Variants in NR5A1 observed in about 807,000 individuals in gnomAD.
The protein encoded by NR5A1 is steroidogenic factor 1.
In NR5A1, 6 loss-of-function variants were observed where a neutral mutation model predicts 42.7. The observed-to-expected ratio is 0.14, with a 90% confidence interval of 0.08 to 0.28. The LOEUF is 0.28. Among genes scored for constraint, NR5A1 ranks in the 10% least tolerant of loss-of-function variants. The pLI is 1.00. For synonymous variants in NR5A1, 274 were observed against 277.5 expected, an observed-to-expected ratio of 0.99 and a Z score of 0.12; for missense variants, 442 against 626.4, an observed-to-expected ratio of 0.71 and a Z score of 3.14.
chr9:124,500,770 G>GC lies in NR5A1; in HGVS notation c.245-56dup, dbSNP rs1832459748. The GC allele has an allele frequency of 1.9e-6, 3 of 1,610,590 alleles. No individual in the cohort carries two copies. Among genetic ancestry groups the GC allele is most frequent in the South Asian group, 2.2e-5 (2 of 91,042 alleles). On this transcript the variant is annotated intron_variant, in intron 3 of 6. Transcript: ENST00000373588. This position sits in a 1 kb window ranked among gnomAD's most constrained non-coding sequence, Gnocchi z 6.9. ...CCCTCTCTAAGCCCCCTTCCATGCT[G>GC]CCCCACCACAGATCCTTTCCAAACA...
chr9:124,482,498 T>C lies in NR5A1; in HGVS notation c.*260A>G. ...GCAGGGAGGGGGCGGGGCGGGTGGT[T>C]AACAGCCACCTCCTTGGGGCACTCC... On this transcript the variant is annotated 3_prime_UTR_variant, in exon 7 of 7. Transcript: ENST00000373588. 1 of 531,446 alleles carries C rather than the reference T, an allele frequency of 1.9e-6. No homozygotes were observed. Among genetic ancestry groups the C allele is most frequent in the Admixed American group, 3.2e-5 (1 of 31,630 alleles). 32.9% of individuals were successfully genotyped at this position (531,446 alleles called of 1,614,324 possible).
intron 6 of NR5A1, among the ~76,000 whole-genome samples, chr9:124,487,059 G>A (rs991813259): frequency 3.9e-5 from 6 of 152,188 alleles, no homozygotes; most frequent in Non-Finnish European, 7.4e-5. Context: ...AGGAGCCTGC[G>A]CCCCCCAAGC....
chr9:124,488,411 C>T (rs1373339099), intron 6 of NR5A1, among the ~76,000 whole-genome samples: 1 of 152,150 alleles, frequency 6.6e-6, no homozygotes, highest in Non-Finnish European at 1.5e-5. Context: ...CCAACCTCAC[C>T]AGGTTCCTGG....
rs1832576069 is a variant in NR5A1 at position 124,507,237 on chromosome 9, G to C, written c.-16+12C>G. ...CTGGCCATTAGAGGCCTGGGCCAAG[G>C]CCCTCACTTACGAAGCGGAAGCAGC... On this transcript the variant is annotated intron_variant, in intron 1 of 6. Coordinates refer to ENST00000373588, the MANE Select transcript of NR5A1 (RefSeq NM_004959.5). 6.6e-6 allele frequency: 1 copy of C among 152,474 alleles called. No homozygotes were observed. The highest frequency in any genetic ancestry group is 2.1e-4 in the South Asian group (1 of 4,830). The allele number at this position is 152,474 out of a possible 1,614,324, so 9.4% of individuals were successfully genotyped here.
intron 5 of NR5A1, among the ~76,000 whole-genome samples, chr9:124,492,503 C>CCATTCATTCATT (rs151199008): frequency 2.0e-5 from 3 of 151,974 alleles, no homozygotes; most frequent in East Asian, 1.9e-4. Context: ...AGCCCTTTGC[C>CCATTCATTCATT]CATTCATTCA....
At chr9:124,495,503 G>C (rs1832378372) in intron 4 of NR5A1, among the ~76,000 whole-genome samples, 1 of 152,218 alleles carries the variant, frequency 6.6e-6, no homozygotes, top group Non-Finnish European at 1.5e-5. Flanking sequence ...GACTTCTGGG[G>C]ACCTGAGAAC....
At chr9:124,505,171 C>T (rs1444866626) in intron 1 of NR5A1, among the ~76,000 whole-genome samples, 1 of 152,208 alleles carries the variant, frequency 6.6e-6, no homozygotes, top group East Asian at 1.9e-4. Context: ...ACCCCGAGCG[C>T]GGCCAGAGAG....
Position 124,501,741 on chromosome 9 carries a change from T to C in NR5A1, c.245-1026A>G, listed in dbSNP as rs562173688. 6.6e-6 allele frequency among the ~76,000 whole-genome samples: 1 copy of C among 152,304 alleles called. No individual in the cohort carries two copies. The highest frequency in any genetic ancestry group is 1.5e-5 in the Non-Finnish European group (1 of 68,020). On this transcript the variant is annotated intron_variant, in intron 3 of 6. Coordinates refer to ENST00000373588, the MANE Select transcript of NR5A1 (RefSeq NM_004959.5). The surrounding 1 kb of genome is among the most constrained non-coding windows in gnomAD (Gnocchi z 4.1). ...CATGGGCTCTGGGGACAGGACAGGA[T>C]GTCCCCTCTCCCATCCAGGAGTCCT... is the stretch of plus-strand genomic sequence containing the variant.
chr9:124,493,309 C>T (rs951385305), intron 4 of NR5A1, among the ~76,000 whole-genome samples, 160 bp from the exon 5 acceptor site: 22 of 152,200 alleles, frequency 1.4e-4, no homozygotes, highest in African/African-American at 4.3e-4. Flanking sequence ...CAAAGTGCAA[C>T]AGAGGTCTGG....
At chr9:124,499,812 GGA>G (rs1190375399) in intron 4 of NR5A1, among the ~76,000 whole-genome samples, 3 of 152,174 alleles carry the variant, frequency 2.0e-5, no homozygotes, top group Admixed American at 1.3e-4. Context: ...AACATGCAAG[GGA>G]GAGACACAGT....
chr9:124,482,298 A>C lies in NR5A1; in HGVS notation c.*460T>G. 1 of 254,322 alleles carries C rather than the reference A, an allele frequency of 3.9e-6. No individual in the cohort carries two copies. The highest frequency in any genetic ancestry group is 5.0e-5 in the South Asian group (1 of 19,952). 15.8% of individuals were successfully genotyped at this position (254,322 alleles called of 1,614,324 possible). A position where few individuals can be genotyped will look rare whatever the true frequency, so the allele number is the denominator to read the frequency against. On this transcript the variant is annotated 3_prime_UTR_variant, in exon 7 of 7. Coordinates refer to ENST00000373588, the MANE Select transcript of NR5A1 (RefSeq NM_004959.5). ...TCTCCCTCCTGGTCTCTATGGGGGG[A>C]ACACTGGAGACCCTCTCTCCTCCCC...
At position 124,503,218 on chromosome 9, in the gene NR5A1, G is replaced by T. The variant is rs764939292; in HGVS notation, c.105C>A (p.Gly35=). ...YGLLTCESCK[G]FFKRTVQNNK... ...TGTTCTGCACCGTGCGCTTGAAGAA[G>T]CCCTGCGGGAGCTGAGAGTCAGCGA... The change falls in exon 3 of 7, where the codon GGC becomes GGA. Residue 35 remains glycine, a splice_region_variant and synonymous_variant. Transcript: ENST00000373588. This position sits in a 1 kb window ranked among gnomAD's most constrained non-coding sequence, Gnocchi z 9.6. 1 of 1,604,406 alleles carries T rather than the reference G, an allele frequency of 6.2e-7. No individual in the cohort carries two copies. The highest frequency in any genetic ancestry group is 1.3e-5 in the African/African-American group (1 of 74,806).
chr9:124,491,936 A>T (rs926755339), intron 5 of NR5A1, among the ~76,000 whole-genome samples: 6 of 151,966 alleles, frequency 3.9e-5, no homozygotes, highest in African/African-American at 1.5e-4. Context: ...GGCCACAGAG[A>T]CTCAGCCAGC....
At chr9:124,485,601 G>A (rs2131271687) in intron 6 of NR5A1, among the ~76,000 whole-genome samples, 1 of 152,262 alleles carries the variant, frequency 6.6e-6, no homozygotes. Context: ...CTTCCCCAGG[G>A]TCACCACTAA....
At chr9:124,491,255 GA>G in intron 5 of NR5A1, 27 bp from the exon 6 acceptor site, 1 of 1,573,602 alleles carries the variant, frequency 6.4e-7, no homozygotes, top group Non-Finnish European at 8.6e-7. Flanking sequence ...CGGGGCGGGG[GA>G]CAGTCAGAGG....
intron 6 of NR5A1, among the ~76,000 whole-genome samples, chr9:124,487,771 T>G (rs1169421081): frequency 6.6e-6 from 1 of 152,184 alleles, no homozygotes; most frequent in East Asian, 1.9e-4. Context: ...CCAGTTTCCC[T>G]GGAGCCCCAG....
In NR5A1 at chr9:124,493,083, G is replaced by A. The variant is rs1057517779; in HGVS notation, c.937C>T (p.Arg313Cys). The A allele has an allele frequency of 6.2e-7, 1 of 1,611,340 alleles. No individual in the cohort carries two copies. The highest frequency in any genetic ancestry group is 8.5e-7 in the Non-Finnish European group (1 of 1,179,450). ...SELLVFDHIY[R>C]QVQHGKEGSI... is the part of the protein sequence containing the mutation. ...CCCTCCTTGCCGTGCTGGACCTGGCGGTAGATGTGGTCGAACACCAGCAGC... is the reference window on the plus strand; with the variant it reads ...CCCTCCTTGCCGTGCTGGACCTGGCAGTAGATGTGGTCGAACACCAGCAGC... Residue 313 changes from arginine to cysteine, a missense_variant, in exon 5 of 7, where the codon CGC becomes TGC. Transcript: ENST00000373588.
chr9:124,482,732 G>T lies in NR5A1; in HGVS notation c.*26C>A. 3.7e-6 allele frequency: 1 copy of T among 266,754 alleles called. No individual in the cohort carries two copies. The highest frequency in any genetic ancestry group is 6.1e-6 in the Non-Finnish European group (1 of 163,624). The allele number at this position is 266,754 out of a possible 1,614,324, so 16.5% of individuals were successfully genotyped here. Reference sequence around the variant, plus strand: ...GGCCCCGCCCCCAGTCCCGCCCCCAGTCCCGGCCCCGCCCCCGGCCCAGGC... The same window carrying T: ...GGCCCCGCCCCCAGTCCCGCCCCCATTCCCGGCCCCGCCCCCGGCCCAGGC... On this transcript the variant is annotated 3_prime_UTR_variant, in exon 7 of 7. Transcript: ENST00000373588.
chr9:124,483,152 TC>T, intron 6 of NR5A1, 147 bp from the exon 7 acceptor site: 1 of 1,559,996 alleles, frequency 6.4e-7, no homozygotes, highest in Non-Finnish European at 8.7e-7. Flanking sequence ...CAACATGGTC[TC>T]CCCGTTGGCA....
Sources: gnomAD v4.1 joint callset for allele counts (sites outside exome capture counted in the v4.1 genomes callset) on GRCh38, gnomAD v4.1.1 for gene constraint, Gnocchi (gnomAD v3.1) non-coding constraint, MANE v1.5 for transcripts, NCBI Gene and HGNC (gene_info 2026-07-23, HGNC 2026-07-21) for gene names.